Variants in TBL1XR1 observed in about 807,000 individuals in gnomAD.
TBL1XR1 encodes the protein F-box-like/WD repeat-containing protein TBL1XR1.
TBL1XR1 carries 5 observed loss-of-function variants against 66.9 expected under a neutral mutation model. That is an observed-to-expected ratio of 0.07 (90% CI 0.04 to 0.16). The LOEUF (loss-of-function observed/expected upper bound fraction) is 0.16. TBL1XR1 is among the 10% of genes least tolerant of loss of function. TBL1XR1 has a pLI of 1.00. For missense variants in TBL1XR1, 238 were observed against 623.2 expected, an observed-to-expected ratio of 0.38 and a Z score of 6.58; for synonymous variants, 210 against 206.0, an observed-to-expected ratio of 1.02 and a Z score of -0.17.
At chr3:177,186,003 C>T (rs985460257) in intron 1 of TBL1XR1, among the ~76,000 whole-genome samples, 1 of 151,932 alleles carries the variant, frequency 6.6e-6, no homozygotes, top group Non-Finnish European at 1.5e-5. Flanking sequence ...AGAGCAAGAC[C>T]CTGCCTCAAA....
rs1401315321 is a variant in TBL1XR1, at chr3:177,130,916, T to C, written c.-121-32375A>G. Among the ~76,000 whole-genome samples, 3 of 152,126 alleles carry C rather than the reference T, an allele frequency of 2.0e-5. No homozygotes were observed. In the East Asian group the frequency reaches 5.8e-4, roughly 29 times the overall value. ...GGCTTGCACCTATAGTCCCAGCTGC[T>C]TGGGAGGCTGAGGTTAAGAGGATTG... On this transcript the variant is annotated intron_variant, in intron 1 of 15. Transcript: ENST00000457928.
At chr3:177,074,626 A>G (rs1720458001) in intron 2 of TBL1XR1, among the ~76,000 whole-genome samples, 1 of 152,178 alleles carries the variant, frequency 6.6e-6, no homozygotes, top group Admixed American at 6.5e-5. Context: ...AACGGAGCCC[A>G]CTGCCCTTTT....
intron 2 of TBL1XR1, among the ~76,000 whole-genome samples, chr3:177,094,750 T>C (rs1433876131): frequency 6.6e-6 from 1 of 151,970 alleles, no homozygotes; most frequent in Non-Finnish European, 1.5e-5. Context: ...TTCTCACTCA[T>C]AAGTGAGAGC....
intron 1 of TBL1XR1, among the ~76,000 whole-genome samples, chr3:177,186,043 AG>A (rs1272663806): frequency 1.3e-5 from 2 of 152,270 alleles, no homozygotes; most frequent in Non-Finnish European, 2.9e-5. Context: ...AAGTAAATAA[AG>A]GAACACTTCA....
chr3:177,155,845 A>G (rs1027738150), intron 1 of TBL1XR1, among the ~76,000 whole-genome samples: 1 of 152,018 alleles, frequency 6.6e-6, no homozygotes, highest in Non-Finnish European at 1.5e-5. Flanking sequence ...CCCCATCTCT[A>G]CTAAAATTAC....
At chr3:177,105,033 T>C (rs980563304) in intron 1 of TBL1XR1, among the ~76,000 whole-genome samples, 1 of 152,222 alleles carries the variant, frequency 6.6e-6, no homozygotes, top group Non-Finnish European at 1.5e-5. Context: ...CTAACGCCTA[T>C]GCATCAAAAG....
intron 2 of TBL1XR1, among the ~76,000 whole-genome samples, chr3:177,070,379 A>G (rs1473291108): frequency 1.3e-5 from 2 of 152,222 alleles, no homozygotes; most frequent in Non-Finnish European, 2.9e-5. Context: ...AACTGAATAA[A>G]TTACAGTCAA....
intron 1 of TBL1XR1, among the ~76,000 whole-genome samples, chr3:177,172,848 A>C (rs1026482188): frequency 3.3e-5 from 5 of 151,988 alleles, no homozygotes; most frequent in Admixed American, 3.3e-4. Flanking sequence ...GCATCTCCCC[A>C]AAGTATTTCT....
upstream of TBL1XR1, chr3:177,201,605 A>G (rs987966518): frequency 1.3e-5 from 2 of 152,180 alleles, no homozygotes; most frequent in Non-Finnish European, 2.9e-5. Context: ...TTTTTAAATC[A>G]TCATGATGTT....
chr3:177,103,962 A>G (rs1241838612), intron 1 of TBL1XR1, among the ~76,000 whole-genome samples: 1 of 152,094 alleles, frequency 6.6e-6, no homozygotes, highest in Admixed American at 6.6e-5. Flanking sequence ...ATGAAAATAC[A>G]AAAATTAGCC....
intron 1 of TBL1XR1, among the ~76,000 whole-genome samples, chr3:177,178,878 G>A (rs886377710): frequency 6.6e-6 from 1 of 152,092 alleles, no homozygotes; most frequent in Admixed American, 6.6e-5. Context: ...AGCACTTTGG[G>A]AGGCCGAGGC....
At chr3:177,047,994 AAACGAAGT>A (rs1162220285) in intron 7 of TBL1XR1, 1 of 161,288 alleles carries the variant, frequency 6.2e-6, no homozygotes, top group Non-Finnish European at 1.4e-5. Context: ...TTACTGTCTA[AAACGAAGT>A]GTGTGGGTAT....
intron 2 of TBL1XR1, among the ~76,000 whole-genome samples, chr3:177,088,710 T>TAAA (rs141356787): frequency 2.5e-4 from 32 of 126,956 alleles, no homozygotes; most frequent in African/African-American, 4.8e-4. Context: ...TTCATTTGTT[T>TAAA]AAAAAAAAAA....
At position 177,097,282 on chromosome 3, in the gene TBL1XR1, ATGT is replaced by A. The variant is rs1222095625; in HGVS notation, c.-46+1181_-46+1183del. On this transcript the variant is annotated intron_variant, in intron 2 of 15. Transcript: ENST00000457928. The stretch of plus-strand genomic sequence containing the variant: ...TACAGAAAATATTTATAAATGTAAG[ATGT>A]TATTATTTGATTCTTTAAAAAAGTA... Among the ~76,000 whole-genome samples the A allele has an allele frequency of 3.9e-5, 6 of 152,332 alleles. No individual in the cohort carries two copies. In the South Asian group the frequency reaches 1.0e-3, roughly 26 times the overall value.
rs575543674 is a variant in TBL1XR1 at position 177,106,246 on chromosome 3, A to T, written c.-121-7705T>A. On this transcript the variant is annotated intron_variant, in intron 1 of 15. Transcript: ENST00000457928. ...TAAGTAGTAGGCAGAAGTTATAGAA[A>T]GGTATTTTTTTCCTATTCAATATAA... Among the ~76,000 whole-genome samples, 7 of 152,310 alleles carry T rather than the reference A, an allele frequency of 4.6e-5. No individual in the cohort carries two copies. The East Asian group carries it at 1.3e-3, about 29-fold the overall frequency.
intron 1 of TBL1XR1, among the ~76,000 whole-genome samples, chr3:177,128,416 C>T (rs914789827): frequency 3.3e-5 from 5 of 152,086 alleles, no homozygotes; most frequent in African/African-American, 9.7e-5. Context: ...CTCTGTCATC[C>T]AGGCTGGAGT....
intron 1 of TBL1XR1, among the ~76,000 whole-genome samples, chr3:177,112,176 C>T (rs1459944204): frequency 7.1e-6 from 1 of 140,290 alleles, no homozygotes; most frequent in Non-Finnish European, 1.5e-5. Context: ...GGCACCACCT[C>T]GGCTCACTAA....
chr3:177,145,995 C>G (rs961394305), intron 1 of TBL1XR1, among the ~76,000 whole-genome samples: 1 of 152,186 alleles, frequency 6.6e-6, no homozygotes, highest in Non-Finnish European at 1.5e-5. Flanking sequence ...CTGAAAGATG[C>G]AAGGATTGCA....
chr3:177,190,469 C>T (rs573507406), intron 1 of TBL1XR1, among the ~76,000 whole-genome samples: 2 of 152,244 alleles, frequency 1.3e-5, no homozygotes, highest in African/African-American at 2.4e-5. Flanking sequence ...GCGTGTGCCA[C>T]CACTCCCAGC....
Sources: gnomAD v4.1 joint callset for allele counts (sites outside exome capture counted in the v4.1 genomes callset) on GRCh38, gnomAD v4.1.1 for gene constraint, MANE v1.5 for transcripts, NCBI Gene and HGNC (gene_info 2026-07-23, HGNC 2026-07-21) for gene names.